ZBTB44: variants seen among roughly 807,000 people sequenced by gnomAD.
ZBTB44 encodes the protein zinc finger and BTB domain-containing protein 44.
In ZBTB44, 15 loss-of-function variants were observed where a neutral mutation model predicts 54.0. The ratio of observed to expected loss-of-function variants is 0.28; its 90% CI spans 0.19 to 0.43. The LOEUF is 0.43. Among genes scored for constraint, ZBTB44 ranks in the 20% least tolerant of loss-of-function variants. The pLI is 1.00. For missense variants in ZBTB44, 487 were observed against 707.1 expected (o/e 0.69, Z 3.53); for synonymous variants, 230 against 250.1 (o/e 0.92, Z 0.76).
intron 1 of ZBTB44, among the ~76,000 whole-genome samples, chr11:130,305,293 A>G (rs982378218): frequency 5.3e-5 from 8 of 152,234 alleles, no homozygotes; most frequent in African/African-American, 1.9e-4. Flanking sequence ...GAGCCCACAT[A>G]GTCAAAGCAA....
intron 1 of ZBTB44, among the ~76,000 whole-genome samples, chr11:130,304,044 A>G (rs552040855): frequency 1.3e-5 from 2 of 152,322 alleles, no homozygotes; most frequent in Non-Finnish European, 2.9e-5. Context: ...TGTGGCCTTC[A>G]AGCATAATAC....
chr11:130,296,913 A>G, intron 1 of ZBTB44: 1 of 733,376 alleles, frequency 1.4e-6, no homozygotes, highest in Non-Finnish European at 2.5e-6. Context: ...TGTTGATCTG[A>G]ATGTCAATGG....
At chr11:130,233,046 A>G in intron 7 of ZBTB44, 1 of 378,604 alleles carries the variant, frequency 2.6e-6, no homozygotes. Flanking sequence ...CTCAATAGAG[A>G]ATTATTTATT....
At chr11:130,291,936 C>T (rs1488014131) in intron 1 of ZBTB44, among the ~76,000 whole-genome samples, 6 of 152,172 alleles carry the variant, frequency 3.9e-5, no homozygotes, top group Admixed American at 3.9e-4. Context: ...GCAGTCTCAC[C>T]TTCCTGTCCT....
intron 2 of ZBTB44, among the ~76,000 whole-genome samples, chr11:130,258,957 G>A (rs569501495): frequency 5.9e-5 from 9 of 152,216 alleles, no homozygotes; most frequent in South Asian, 2.1e-4. Flanking sequence ...GCCAAATCAC[G>A]AGTGAACTCC....
rs573001648 is a variant in ZBTB44, at chr11:130,293,894, T to C, written c.-57+20481A>G. Among the ~76,000 whole-genome samples, 108 of 152,346 alleles carry C rather than the reference T, an allele frequency of 7.1e-4. 1 individual carries two copies. Among genetic ancestry groups the C allele is most frequent in the Admixed American group, 2.4e-3 (37 of 15,306 alleles). ...CATTTTACTCTATGAATAAGCCCTT[T>C]CTAGTTCAGAGATTTGAAAAAGTAA... On this transcript the variant is annotated intron_variant, in intron 1 of 7. Transcript: ENST00000357899.
intron 1 of ZBTB44, among the ~76,000 whole-genome samples, chr11:130,293,288 C>T (rs1941411265): frequency 7.6e-6 from 1 of 132,018 alleles, no homozygotes; most frequent in South Asian, 2.6e-4. Context: ...ACAGAGAGAA[C>T]TTGTCTCTAC....
intron 1 of ZBTB44, among the ~76,000 whole-genome samples, chr11:130,308,708 T>C (rs542675396): frequency 7.9e-5 from 12 of 152,240 alleles, no homozygotes; most frequent in Non-Finnish European, 1.3e-4. Context: ...GTTTATAGTA[T>C]TCTTCTTCAT....
At chr11:130,285,049 G>C (rs1324346153) in intron 1 of ZBTB44, 2 of 160,294 alleles carry the variant, frequency 1.2e-5, no homozygotes, top group African/African-American at 4.8e-5. Flanking sequence ...CTATCTTGCG[G>C]CATCTGGGAT....
Position 130,301,029 on chromosome 11 carries a change from A to C in ZBTB44, c.-57+13346T>G, listed in dbSNP as rs150280179. The stretch of plus-strand genomic sequence containing the variant: ...AGTAAAATATAAACAGAATGTTTTG[A>C]TTTTTGTTGGAAAAGACACAGAAAA... On this transcript the variant is annotated intron_variant, in intron 1 of 7. Coordinates refer to ENST00000357899, the MANE Select transcript of ZBTB44 (RefSeq NM_001301098.2). Among the ~76,000 whole-genome samples, 167 of 152,090 alleles carry C rather than the reference A, an allele frequency of 1.1e-3. 4 individuals are homozygous for C. In the East Asian group the frequency reaches 0.028, roughly 25 times the overall value.
chr11:130,296,064 G>A (rs1941623158), intron 1 of ZBTB44: 1 of 1,583,246 alleles, frequency 6.3e-7, no homozygotes, highest in South Asian at 1.1e-5. Flanking sequence ...ATCGTATCTT[G>A]GATGTTGGGT....
At chr11:130,311,365 C>T (rs911031416) in intron 1 of ZBTB44, among the ~76,000 whole-genome samples, 2 of 152,000 alleles carry the variant, frequency 1.3e-5, no homozygotes, top group Non-Finnish European at 2.9e-5. Flanking sequence ...CACACCACCA[C>T]GCCTGGCTAA....
chr11:130,237,091 T>C lies in ZBTB44; in HGVS notation c.1270A>G (p.Ile424Val), dbSNP rs1954137507. 1.3e-6 allele frequency: 2 copies of C among 1,518,004 alleles called. No individual in the cohort carries two copies. The highest frequency in any genetic ancestry group is 1.8e-4 in the Middle Eastern group (1 of 5,612). 94.0% of individuals were successfully genotyped at this position (1,518,004 alleles called of 1,614,324 possible). The change falls in exon 5 of 8, where the codon ATT (isoleucine) becomes GTT (valine). Residue 424 changes from isoleucine (I) to valine (V), a missense_variant and splice_region_variant. Around this residue, in one of 3 missense-constraint regions of ZBTB44, gnomAD observed 120 missense variants for 240.3 expected, o/e 0.50. Transcript: ENST00000357899. ...LKQHMLIHSG[I>V]KPFQCDRCGK... ...CAGCGGTCACACTGAAATGGTTTAATTCCTGTAAATAAAGCAAAACAAAAT... is the reference window on the plus strand; with the variant it reads ...CAGCGGTCACACTGAAATGGTTTAACTCCTGTAAATAAAGCAAAACAAAAT...
chr11:130,283,283 T>C (rs1381174518), intron 1 of ZBTB44, among the ~76,000 whole-genome samples: 2 of 152,096 alleles, frequency 1.3e-5, no homozygotes, highest in East Asian at 3.9e-4. Flanking sequence ...TGACTTCAAA[T>C]GATCCACCCG....
chr11:130,301,490 C>T (rs1350338599), intron 1 of ZBTB44, among the ~76,000 whole-genome samples: 3 of 151,898 alleles, frequency 2.0e-5, no homozygotes, highest in Non-Finnish European at 2.9e-5. Flanking sequence ...CACGTAGATG[C>T]GGGCATCTAC....
chr11:130,300,680 C>T (rs1370586433), intron 1 of ZBTB44, among the ~76,000 whole-genome samples: 1 of 152,180 alleles, frequency 6.6e-6, no homozygotes, highest in African/African-American at 2.4e-5. Context: ...GTGTCAAATG[C>T]TGCTGACTGG....
intron 1 of ZBTB44, among the ~76,000 whole-genome samples, chr11:130,305,955 CAT>C (rs974229649): frequency 2.0e-5 from 3 of 151,760 alleles, no homozygotes; most frequent in South Asian, 2.1e-4. Context: ...TTAAAAAAAA[CAT>C]AGACAATTCT....
intron 1 of ZBTB44, among the ~76,000 whole-genome samples, chr11:130,288,826 G>A (rs769531043): frequency 2.6e-5 from 4 of 151,904 alleles, no homozygotes; most frequent in East Asian, 3.9e-4. Context: ...GAACCCGGGA[G>A]GCGGAGGTTG....
At chr11:130,290,938 T>C (rs1017198408) in intron 1 of ZBTB44, among the ~76,000 whole-genome samples, 1 of 152,328 alleles carries the variant, frequency 6.6e-6, no homozygotes, top group Non-Finnish European at 1.5e-5. Context: ...TTTAGGCTGC[T>C]ATCTCTCCCT....
Sources: allele counts gnomAD v4.1 joint callset (sites outside exome capture counted in the v4.1 genomes callset), GRCh38; gene constraint gnomAD v4.1.1; regional missense constraint gnomAD v4.1.1; transcripts MANE v1.5; gene names NCBI Gene and HGNC (gene_info 2026-07-23, HGNC 2026-07-21).